The following HYAL4 variants were observed in gnomAD, a reference collection of about 807,000 sequenced individuals.
The protein encoded by HYAL4 is hyaluronidase-4.
Under a neutral mutation model 35.2 loss-of-function variants are expected in HYAL4, and 37 were observed. The observed-to-expected ratio is 1.05, with a 90% CI of 0.81 to 1.38. The LOEUF is 1.38. Among genes scored for constraint, HYAL4 ranks in the 40% most tolerant of loss-of-function variants. HYAL4 has a pLI of 0.00. For synonymous variants in HYAL4, 198 were observed against 203.2 expected, an observed-to-expected ratio of 0.97 and a Z score of 0.22; for missense variants, 572 against 572.4, an observed-to-expected ratio of 1.00 and a Z score of 0.01.
chr7:123,796,683 C>T, the HYAL4 span, among the ~76,000 whole-genome samples: 19 of 152,030 alleles, frequency 1.2e-4, no homozygotes, highest in Admixed American at 7.2e-4. Flanking sequence ...TAGAAATAAC[C>T]CAAATGTCCA....
In HYAL4 at chr7:123,836,891, A is replaced by G. The variant is rs1036557738; in HGVS notation, c.-256-7354A>G. Among the ~76,000 whole-genome samples, 6 of 151,968 alleles carry G rather than the reference A, an allele frequency of 3.9e-5. No individual in the cohort carries two copies. The South Asian group carries it at 1.2e-3, about 31-fold the overall frequency. On this transcript the variant is annotated intron_variant, in intron 1 of 4. Transcript: ENST00000489978. ...TAATAAGCAAAAATTAGCTGGGCGC[A>G]GTGGTGGGTGCCTGTAATCCCAGTT...
chr7:123,874,652 G>A (rs780539588), intron 3 of HYAL4, 109 bp from the exon 4 acceptor site: 12 of 639,870 alleles, frequency 1.9e-5, no homozygotes, highest in Admixed American at 9.6e-5. Flanking sequence ...TGATCTGCCC[G>A]CCTGGGCCTC....
Position 123,868,441 on chromosome 7 carries a change from A to G in HYAL4, c.168A>G (p.Thr56=), listed in dbSNP as rs963322354. 1.2e-6 allele frequency: 2 copies of G among 1,609,058 alleles called. No homozygotes were observed. The highest frequency in any genetic ancestry group is 1.7e-5 in the Admixed American group (1 of 58,652). The change falls in exon 3 of 5, where the codon ACA becomes ACG. Residue 56 remains threonine (T), a synonymous_variant. Transcript: ENST00000223026. ...KPFIAAWNAP[T]DQCLIKYNLR... is the part of the protein sequence containing the mutation. ...TTATAGCTGCTTGGAATGCTCCAACAGATCAGTGTTTGATAAAATATAATT... is the reference window on the plus strand; with the variant it reads ...TTATAGCTGCTTGGAATGCTCCAACGGATCAGTGTTTGATAAAATATAATT...
At chr7:123,788,313 A>G in the HYAL4 span, among the ~76,000 whole-genome samples, 1 of 152,218 alleles carries the variant, frequency 6.6e-6, no homozygotes, top group Non-Finnish European at 1.5e-5. Flanking sequence ...ATGTATTGTC[A>G]GTTACTATTT....
chr7:123,786,532 T>C, the HYAL4 span, among the ~76,000 whole-genome samples: 15 of 151,888 alleles, frequency 9.9e-5, no homozygotes, highest in African/African-American at 3.1e-4. Flanking sequence ...TTTTTGAAAA[T>C]CAGAGCCAAA....
At chr7:123,835,282 T>C (rs1805947373) in intron 1 of HYAL4, among the ~76,000 whole-genome samples, 1 of 152,158 alleles carries the variant, frequency 6.6e-6, no homozygotes, top group South Asian at 2.1e-4. Context: ...GTTCAGGGTA[T>C]CTAATTCTTC....
chr7:123,793,942 C>T, the HYAL4 span, among the ~76,000 whole-genome samples: 1 of 152,140 alleles, frequency 6.6e-6, no homozygotes, highest in Non-Finnish European at 1.5e-5. Context: ...AAGTTTGGAA[C>T]TTCCTAGAGA....
At chr7:123,857,675 T>TTG (rs1806479929) in intron 2 of HYAL4, among the ~76,000 whole-genome samples, 1 of 77,234 alleles carries the variant, frequency 1.3e-5, no homozygotes, top group South Asian at 5.2e-4. Flanking sequence ...GTTTGTTTCT[T>TTG]TCTTTCTTTC....
At chr7:123,839,627 C>T (rs779804596) in intron 1 of HYAL4, among the ~76,000 whole-genome samples, 3 of 152,122 alleles carry the variant, frequency 2.0e-5, no homozygotes, top group Non-Finnish European at 4.4e-5. Context: ...CCTATTTGTC[C>T]ACATCCTCTC....
the HYAL4 span, among the ~76,000 whole-genome samples, chr7:123,771,856 C>T: frequency 0.067 from 9,799 of 146,658 alleles, 404 homozygotes; most frequent in East Asian, 0.12. Flanking sequence ...AGCATTTGAA[C>T]TAATGGACTC....
At chr7:123,874,466 C>T (rs886395999) in intron 3 of HYAL4, among the ~76,000 whole-genome samples, 1 of 151,968 alleles carries the variant, frequency 6.6e-6, no homozygotes, top group South Asian at 2.1e-4. Flanking sequence ...TGCAATGGTG[C>T]GATCTCGGCT....
At chr7:123,829,055 T>TATA (rs1805841653) in exon 1 of HYAL4, 1 of 152,664 alleles carries the variant, frequency 6.6e-6, no homozygotes, top group Admixed American at 6.6e-5. Context: ...AGAGTCTATG[T>TATA]AACAATCATG....
upstream of HYAL4, among the ~76,000 whole-genome samples, chr7:123,840,283 G>C (rs1806032074): frequency 6.6e-6 from 1 of 152,190 alleles, no homozygotes. Context: ...GTTTGTCAAA[G>C]ATCAGATGGG....
chr7:123,849,135 G>A (rs1806239715), intron 2 of HYAL4, among the ~76,000 whole-genome samples: 1 of 152,058 alleles, frequency 6.6e-6, no homozygotes, highest in African/African-American at 2.4e-5. Context: ...TAATGATGGG[G>A]AAAATGCTGT....
At chr7:123,836,880 T>A (rs1411497447) in intron 1 of HYAL4, among the ~76,000 whole-genome samples, 1 of 151,934 alleles carries the variant, frequency 6.6e-6, no homozygotes, top group East Asian at 1.9e-4. Flanking sequence ...AAGCAAAAAT[T>A]AGCTGGGCGC....
upstream of HYAL4, among the ~76,000 whole-genome samples, chr7:123,826,374 C>G (rs1439396032): frequency 6.6e-6 from 1 of 152,032 alleles, no homozygotes; most frequent in Non-Finnish European, 1.5e-5. Flanking sequence ...CACTCAGTAC[C>G]CCATCAGCTA....
the HYAL4 span, among the ~76,000 whole-genome samples, chr7:123,774,482 C>T: frequency 1.3e-5 from 2 of 151,852 alleles, no homozygotes; most frequent in African/African-American, 4.8e-5. Context: ...TCTTTGCAGC[C>T]TCTGTTACCA....
In HYAL4 at chr7:123,876,750, C is replaced by A. The variant is rs1584930576; in HGVS notation, c.1045-4C>A. The stretch of plus-strand genomic sequence containing the variant: ...CTAAAATTGATTTCTTCCTACATTT[C>A]TAGGCCAACTGTACAAAGGTGAAGC... On this transcript the variant is annotated splice_region_variant and splice_polypyrimidine_tract_variant and intron_variant, in intron 4 of 4. Coordinates refer to ENST00000223026, the MANE Select transcript of HYAL4 (RefSeq NM_012269.3). The A allele has an allele frequency of 6.2e-7, 1 of 1,605,430 alleles. No individual in the cohort carries two copies. The highest frequency in any genetic ancestry group is 2.2e-5 in the East Asian group (1 of 44,680).
the HYAL4 span, among the ~76,000 whole-genome samples, chr7:123,786,713 GCTATCTAT>G: frequency 0.028 from 4,199 of 148,442 alleles, 65 homozygotes; most frequent in Non-Finnish European, 0.036. Flanking sequence ...TGTATCACAT[GCTATCTAT>G]CTATCTATCT....
Sources: gnomAD v4.1 joint callset for allele counts (sites outside exome capture counted in the v4.1 genomes callset) on GRCh38, gnomAD v4.1.1 for gene constraint, MANE v1.5 for transcripts, NCBI Gene and HGNC (gene_info 2026-07-23, HGNC 2026-07-21) for gene names.